FBXO36: variants seen among roughly 807,000 people sequenced by gnomAD.
FBXO36 encodes the protein F-box protein 36.
FBXO36 carries 18 observed loss-of-function variants against 17.0 expected under a neutral mutation model. The observed-to-expected ratio is 1.06, with a 90% confidence interval of 0.73 to 1.57. The LOEUF is 1.57. Ranked by LOEUF, FBXO36 falls within the 40% of genes most tolerant of loss-of-function variation. The probability of loss-of-function intolerance (pLI) is 0.00; values close to 1 mark genes in which losing one functional copy is unlikely to be tolerated. For synonymous variants in FBXO36, 83 were observed against 85.3 expected, an observed-to-expected ratio of 0.97 and a Z score of 0.15; for missense variants, 229 against 221.9, an observed-to-expected ratio of 1.03 and a Z score of -0.20.
Position 229,958,164 on chromosome 2 carries a change from T to A in FBXO36, c.97-18077T>A, listed in dbSNP as rs2077099898. On this transcript the variant is annotated intron_variant, in intron 1 of 3. Coordinates refer to ENST00000283946, the MANE Select transcript of FBXO36 (RefSeq NM_174899.5). ...AAGATAACATTGTACTAATGCAAAT[T>A]AAAAAAAAAATTTTTTTTAAAAACT... 2.0e-5 allele frequency among the ~76,000 whole-genome samples: 3 copies of A among 149,390 alleles called. No homozygotes were observed. The South Asian group carries it at 6.3e-4, about 31-fold the overall frequency.
At chr2:229,977,642 GTTT>G (rs2077216362) in intron 2 of FBXO36, among the ~76,000 whole-genome samples, 1 of 151,838 alleles carries the variant, frequency 6.6e-6, no homozygotes, top group Non-Finnish European at 1.5e-5. Context: ...TAGAGATGAG[GTTT>G]CACCATGTTG....
chr2:229,926,609 T>C (rs1230082936), intron 1 of FBXO36, among the ~76,000 whole-genome samples: 1 of 150,896 alleles, frequency 6.6e-6, no homozygotes, highest in African/African-American at 2.4e-5. Flanking sequence ...CTGGGCATGG[T>C]AGCATGAGCC....
intron 3 of FBXO36, among the ~76,000 whole-genome samples, chr2:230,003,754 G>A (rs1029747796): frequency 3.3e-5 from 5 of 152,156 alleles, no homozygotes; most frequent in Admixed American, 2.0e-4. Flanking sequence ...GGCTAGTCTT[G>A]AACTCTTGAA....
rs557193805 is a variant in FBXO36 at position 229,923,446 on chromosome 2, G to C, written c.96+837G>C. On this transcript the variant is annotated intron_variant, in intron 1 of 3. Coordinates refer to ENST00000283946, the MANE Select transcript of FBXO36 (RefSeq NM_174899.5). ...TGTCACTGAGTTATTCATGCACCCT[G>C]CCCTTTCAATAGATACTATTCCTAT... is the stretch of plus-strand genomic sequence containing the variant. Among the ~76,000 whole-genome samples, 20 of 152,254 alleles carry C rather than the reference G, an allele frequency of 1.3e-4. No homozygotes were observed. In the South Asian group the frequency reaches 3.7e-3, roughly 28 times the overall value.
chr2:229,947,112 G>T (rs2077031178), intron 1 of FBXO36, among the ~76,000 whole-genome samples: 1 of 150,274 alleles, frequency 6.7e-6, no homozygotes, highest in Admixed American at 6.6e-5. Context: ...AGGTTGCAGT[G>T]AGCCGAGATC....
chr2:229,958,621 G>GA (rs2077104279), intron 1 of FBXO36, among the ~76,000 whole-genome samples: 1 of 152,062 alleles, frequency 6.6e-6, no homozygotes, highest in East Asian at 1.9e-4. Flanking sequence ...CAGACACCTT[G>GA]AGTGTTTTGG....
chr2:229,961,580 C>G (rs916036731), intron 1 of FBXO36, among the ~76,000 whole-genome samples: 1 of 151,916 alleles, frequency 6.6e-6, no homozygotes, highest in African/African-American at 2.4e-5. Flanking sequence ...TTCACCATGT[C>G]GGCCACGATG....
intron 1 of FBXO36, among the ~76,000 whole-genome samples, chr2:229,924,690 T>A (rs1404860685): frequency 6.6e-6 from 1 of 152,174 alleles, no homozygotes; most frequent in Non-Finnish European, 1.5e-5. Flanking sequence ...TTCGGCTTCC[T>A]AAAGAATAAT....
Position 229,925,089 on chromosome 2 carries a change from TTTTC to T in FBXO36, c.96+2488_96+2491del, listed in dbSNP as rs1196539672. On this transcript the variant is annotated intron_variant, in intron 1 of 3. Coordinates refer to ENST00000283946, the MANE Select transcript of FBXO36 (RefSeq NM_174899.5). ...TCCCTTCAGTGTTCTTAATTTTTCTTTTTCTTTCTTTATTTTTATTATTTATTTA... is the reference window on the plus strand; with the variant it reads ...TCCCTTCAGTGTTCTTAATTTTTCTTTTTCTTTATTTTTATTATTTATTTA... Among the ~76,000 whole-genome samples the T allele has an allele frequency of 5.3e-5, 8 of 151,906 alleles. 1 individual carries two copies. In the East Asian group the frequency reaches 1.2e-3, roughly 22 times the overall value.
At chr2:229,948,446 C>G (rs2077038668) in intron 1 of FBXO36, among the ~76,000 whole-genome samples, 1 of 151,552 alleles carries the variant, frequency 6.6e-6, no homozygotes. Context: ...CCATTAGTTG[C>G]CCCCAATATC....
At chr2:230,009,186 G>C (rs577362321) in intron 3 of FBXO36, among the ~76,000 whole-genome samples, 4 of 152,064 alleles carry the variant, frequency 2.6e-5, no homozygotes, top group Non-Finnish European at 4.4e-5. Context: ...CAGGACACAG[G>C]GGGGCACAGC....
At chr2:229,999,153 G>A (rs2077344084) in intron 3 of FBXO36, among the ~76,000 whole-genome samples, 1 of 132,590 alleles carries the variant, frequency 7.5e-6, no homozygotes, top group Non-Finnish European at 1.6e-5. Flanking sequence ...TTGAGACAGA[G>A]TCTTTCTCTG....
At chr2:229,946,604 C>T (rs77601194) in intron 1 of FBXO36, among the ~76,000 whole-genome samples, 6,474 of 152,208 alleles carry the variant, frequency 0.043, 472 homozygotes, top group African/African-American at 0.15. Flanking sequence ...GAAAATATCT[C>T]GACATGATCA....
At chr2:229,980,886 A>G (rs1212147615) in intron 2 of FBXO36, among the ~76,000 whole-genome samples, 1 of 152,104 alleles carries the variant, frequency 6.6e-6, no homozygotes, top group Non-Finnish European at 1.5e-5. Flanking sequence ...GCACTGTGAT[A>G]CCAAATTAAA....
chr2:229,971,227 C>T (rs1161089326), intron 1 of FBXO36, among the ~76,000 whole-genome samples: 1 of 151,842 alleles, frequency 6.6e-6, no homozygotes, highest in Non-Finnish European at 1.5e-5. Context: ...TGGTGGTGAG[C>T]GCCTGTGATC....
chr2:229,959,996 A>T (rs532230653), intron 1 of FBXO36, among the ~76,000 whole-genome samples: 5 of 152,146 alleles, frequency 3.3e-5, no homozygotes, highest in African/African-American at 7.2e-5. Context: ...TCAGGGTTTC[A>T]GCCTGATAAT....
intron 3 of FBXO36, among the ~76,000 whole-genome samples, chr2:230,007,543 G>T (rs149919073): frequency 6.6e-6 from 1 of 152,154 alleles, no homozygotes; most frequent in Non-Finnish European, 1.5e-5. Flanking sequence ...ACCAGCACTT[G>T]TGCTCTTAAT....
chr2:229,931,918 A>ATTTT (rs11441584), intron 1 of FBXO36, among the ~76,000 whole-genome samples: 1 of 142,770 alleles, frequency 7.0e-6, no homozygotes, highest in Non-Finnish European at 1.5e-5. Flanking sequence ...ATATGTGTAT[A>ATTTT]TATTTTTTTT....
intron 3 of FBXO36, among the ~76,000 whole-genome samples, chr2:229,998,904 G>A (rs978389659): frequency 3.6e-4 from 53 of 148,458 alleles, no homozygotes; most frequent in Middle Eastern, 3.4e-3. Flanking sequence ...CCAGGTTCAC[G>A]CCATTCTCCT....
Sources: allele counts gnomAD v4.1 joint callset (sites outside exome capture counted in the v4.1 genomes callset), GRCh38; gene constraint gnomAD v4.1.1; transcripts MANE v1.5; gene names NCBI Gene and HGNC (gene_info 2026-07-23, HGNC 2026-07-21).